The following TSC22D1 variants were observed in gnomAD, a reference collection of about 807,000 sequenced individuals.
TSC22D1 encodes the protein TSC22 domain family protein 1.
A neutral mutation model predicts 74.2 loss-of-function variants in TSC22D1; 9 were observed. That is an observed-to-expected ratio of 0.12 (90% CI 0.07 to 0.21). The LOEUF is 0.21. TSC22D1 is among the 10% of genes least tolerant of loss of function. The pLI is 1.00. For synonymous variants in TSC22D1, 586 were observed against 492.5 expected, an observed-to-expected ratio of 1.19 and a Z score of -2.51; for missense variants, 1,427 against 1,304.7, an observed-to-expected ratio of 1.09 and a Z score of -1.44.
intron 1 of TSC22D1, among the ~76,000 whole-genome samples, chr13:44,457,637 C>CAAAAAAAAAA (rs10692086): frequency 4.9e-4 from 42 of 85,362 alleles, no homozygotes; most frequent in Non-Finnish European, 7.1e-4. Context: ...AAGCAAATAG[C>CAAAAAAAAAA]AAAAAAAAAA....
Position 44,433,674 on chromosome 13 carries a change from C to T in TSC22D1, c.*952G>A. On this transcript the variant is annotated 3_prime_UTR_variant, in exon 3 of 3. Transcript: ENST00000458659. ...GAAACCCCTACTGGGAAATCCATTT[C>T]ATTAGTTAGAACTGAGCATTTTTCA... 3.0e-6 allele frequency: 1 copy of T among 330,620 alleles called. No homozygotes were observed. Among genetic ancestry groups the T allele is most frequent in the Non-Finnish European group, 5.4e-6 (1 of 184,418 alleles). 20.5% of individuals were successfully genotyped at this position (330,620 alleles called of 1,614,324 possible).
In TSC22D1 at chr13:44,575,828, G is replaced by C. The variant is rs1441815284; in HGVS notation, c.247C>G (p.Gln83Glu). The C allele has an allele frequency of 2.5e-6, 4 of 1,613,938 alleles. No individual in the cohort carries two copies. The South Asian group carries it at 3.3e-5, about 13-fold the overall frequency. The stretch of plus-strand genomic sequence containing the variant: ...GCCTGCGAAAGGAGGTTCAGGCTTT[G>C]TGGAGGCGGAGGCTGTGGTCCCGAC... ...STSGPQPPPP[Q>E]SLNLLSQAQL... The change falls in exon 1 of 3, where the codon CAA (glutamine) becomes GAA (glutamate). Residue 83 changes from glutamine to glutamate, a missense_variant. Physicochemically the swap from Gln to Glu is conservative, Grantham distance 29. Coordinates refer to ENST00000458659, the MANE Select transcript of TSC22D1 (RefSeq NM_183422.4).
chr13:44,460,657 G>A (rs570456917), intron 1 of TSC22D1, among the ~76,000 whole-genome samples: 1 of 152,288 alleles, frequency 6.6e-6, no homozygotes, highest in Admixed American at 6.5e-5. Flanking sequence ...GCTATGGAGG[G>A]AGGCCCCATC....
intron 1 of TSC22D1, among the ~76,000 whole-genome samples, chr13:44,490,855 C>G (rs1240444967): frequency 6.6e-6 from 1 of 151,362 alleles, no homozygotes; most frequent in East Asian, 1.9e-4. Context: ...CAAGATTACG[C>G]CACTGCACTC....
chr13:44,551,308 GGGGT>G (rs1882223726), intron 1 of TSC22D1, among the ~76,000 whole-genome samples: 5 of 107,314 alleles, frequency 4.7e-5, no homozygotes, highest in East Asian at 2.4e-4. Context: ...CAATCAGCTG[GGGGT>G]GTGTGTGTGT....
In TSC22D1 at chr13:44,574,671, A is replaced by C; in HGVS notation, c.1404T>G (p.Ser468Arg). Residue 468 changes from serine (S) to arginine (R), a missense_variant, in exon 1 of 3, where the codon AGT (serine) becomes AGG (arginine). Physicochemically the swap from Ser to Arg is moderately radical, Grantham distance 110 (BLOSUM62 -1). Coordinates refer to ENST00000458659, the MANE Select transcript of TSC22D1 (RefSeq NM_183422.4). ...VTSERESTSG[S>R]SVSSSVSTLS... ...GTGTGCTGACACTACTGCTCACTGA[A>C]CTCCCACTAGTGCTCTCCCTTTCAG... 6.2e-7 allele frequency: 1 copy of C among 1,613,764 alleles called. No homozygotes were observed. The highest frequency in any genetic ancestry group is 1.1e-5 in the South Asian group (1 of 91,054).
intron 1 of TSC22D1, among the ~76,000 whole-genome samples, chr13:44,498,700 A>G (rs1024254486): frequency 1.3e-5 from 2 of 152,320 alleles, no homozygotes; most frequent in Middle Eastern, 3.4e-3. Context: ...GGATCCACTC[A>G]TCCTTCACTA....
intron 1 of TSC22D1, among the ~76,000 whole-genome samples, chr13:44,478,471 GAAC>G (rs1046139152): frequency 7.2e-5 from 11 of 152,204 alleles, no homozygotes; most frequent in African/African-American, 2.6e-4. Context: ...GTCAGGCTTG[GAAC>G]CTGGCAGTCT....
chr13:44,499,196 T>G (rs1176556127), intron 1 of TSC22D1, among the ~76,000 whole-genome samples: 1 of 152,198 alleles, frequency 6.6e-6, no homozygotes, highest in Non-Finnish European at 1.5e-5. Context: ...GCCAAATCAT[T>G]TGGTTGGCAT....
chr13:44,466,866 A>C (rs938667215), intron 1 of TSC22D1, among the ~76,000 whole-genome samples: 1 of 152,078 alleles, frequency 6.6e-6, no homozygotes, highest in Non-Finnish European at 1.5e-5. Context: ...ATAAATTAGC[A>C]ACAATAACTG....
At chr13:44,576,393 G>A (rs139645582), upstream of TSC22D1, 3 of 284,894 alleles carry the variant, frequency 1.1e-5, no homozygotes, top group Admixed American at 9.7e-5. Context: ...CAGGAGGGAG[G>A]GGGAGAGCGC....
At chr13:44,523,168 A>G (rs899855660) in intron 1 of TSC22D1, among the ~76,000 whole-genome samples, 28 of 152,240 alleles carry the variant, frequency 1.8e-4, no homozygotes, top group Admixed American at 1.5e-3. Context: ...CTAAGAATGC[A>G]GAGCAAATGA....
intron 1 of TSC22D1, among the ~76,000 whole-genome samples, chr13:44,555,630 T>C (rs758521059): frequency 2.6e-5 from 4 of 151,640 alleles, no homozygotes; most frequent in Admixed American, 6.6e-5. Context: ...AATAAATAAA[T>C]AAACAAATAT....
intron 1 of TSC22D1, among the ~76,000 whole-genome samples, chr13:44,519,396 T>C (rs1880203500): frequency 6.6e-6 from 1 of 152,106 alleles, no homozygotes; most frequent in East Asian, 1.9e-4. Context: ...CTCACAGGAT[T>C]TTAGCTACAG....
At chr13:44,530,690 A>T (rs1196302892) in intron 1 of TSC22D1, among the ~76,000 whole-genome samples, 3 of 151,954 alleles carry the variant, frequency 2.0e-5, no homozygotes, top group Non-Finnish European at 4.4e-5. Flanking sequence ...CCTGATTTTT[A>T]AAATGGGTAA....
chr13:44,482,488 G>C lies in TSC22D1; in HGVS notation c.2913-46393C>G, dbSNP rs146857625. ...TGGGAGGCAGGGGCTGCAGTGAGCC[G>C]AGATCACGCCACTGCACTCCAGCCT... On this transcript the variant is annotated intron_variant, in intron 1 of 2. Transcript: ENST00000458659. Among the ~76,000 whole-genome samples, 1,451 of 152,222 alleles carry C rather than the reference G, an allele frequency of 9.5e-3. 13 individuals are homozygous for C. The highest frequency in any genetic ancestry group is 0.015 in the Non-Finnish European group (1,022 of 68,006).
chr13:44,474,898 C>A (rs1415139433), intron 1 of TSC22D1, among the ~76,000 whole-genome samples: 1 of 152,024 alleles, frequency 6.6e-6, no homozygotes, highest in Non-Finnish European at 1.5e-5. Context: ...ATTCCCAGTA[C>A]AATAAGGCCT....
chr13:44,507,308 C>T (rs914028388), intron 1 of TSC22D1, among the ~76,000 whole-genome samples: 4 of 151,986 alleles, frequency 2.6e-5, no homozygotes, highest in Non-Finnish European at 4.4e-5. Context: ...GCTACAGTAG[C>T]GCAAGGTTCA....
chr13:44,487,013 A>G (rs1296693886), intron 1 of TSC22D1, among the ~76,000 whole-genome samples: 1 of 149,266 alleles, frequency 6.7e-6, no homozygotes, highest in African/African-American at 2.4e-5. Flanking sequence ...TAGGAAATGT[A>G]AAAAAAAAAT....
Sources: allele counts gnomAD v4.1 joint callset (sites outside exome capture counted in the v4.1 genomes callset), GRCh38; gene constraint gnomAD v4.1.1; transcripts MANE v1.5; gene names NCBI Gene and HGNC (gene_info 2026-07-23, HGNC 2026-07-21).